The following CEACAM5 variants were observed in gnomAD, a reference collection of about 807,000 sequenced individuals.
CEACAM5 encodes CEA cell adhesion molecule 5.
Under a neutral mutation model 63.0 loss-of-function variants are expected in CEACAM5, and 52 were observed. The observed-to-expected ratio is 0.83, with a 90% CI of 0.66 to 1.04. The LOEUF (loss-of-function observed/expected upper bound fraction) is 1.04. Among genes scored for constraint, CEACAM5 ranks in the 50% least tolerant of loss-of-function variants. CEACAM5 has a pLI of 0.00. For missense variants in CEACAM5, 790 were observed against 864.8 expected, an observed-to-expected ratio of 0.91 and a Z score of 1.08; for synonymous variants, 357 against 351.3, an observed-to-expected ratio of 1.02 and a Z score of -0.18.
At chr19:41,710,174 G>T (rs2072414091) in intron 2 of CEACAM5, 135 bp downstream of exon 2, 1 of 1,294,704 alleles carries the variant, frequency 7.7e-7, no homozygotes, top group African/African-American at 1.5e-5. Flanking sequence ...TTTAGTGCAG[G>T]ATACACACAG....
chr19:41,723,800 T>C (rs950973225), intron 8 of CEACAM5, among the ~76,000 whole-genome samples: 1 of 151,692 alleles, frequency 6.6e-6, no homozygotes, highest in African/African-American at 2.4e-5. Flanking sequence ...ACAAAAAAAA[T>C]TATCCAGGCG....
intron 1 of CEACAM5, 147 bp from the exon 2 acceptor site, chr19:41,709,533 G>C: frequency 4.2e-6 from 4 of 954,242 alleles, no homozygotes; most frequent in Non-Finnish European, 5.7e-6. Context: ...CCTTGACCTA[G>C]TAGGACACAC....
chr19:41,726,613 G>A (rs1454721685), intron 8 of CEACAM5, among the ~76,000 whole-genome samples: 22 of 152,226 alleles, frequency 1.4e-4, no homozygotes, highest in Non-Finnish European at 3.1e-4. Flanking sequence ...AGGAGCCTGA[G>A]AGAGCCCTCA....
At chr19:41,716,213 T>G (rs556390097) in intron 4 of CEACAM5, among the ~76,000 whole-genome samples, 1 of 152,362 alleles carries the variant, frequency 6.6e-6, no homozygotes, top group South Asian at 2.1e-4. Flanking sequence ...AAGTTGCTTC[T>G]CTCTGTCACC....
At position 41,709,729 on chromosome 19, in the gene CEACAM5, T is replaced by C; in HGVS notation, c.114T>C (p.Ile38=). The C allele has an allele frequency of 3.1e-6, 5 of 1,614,154 alleles. 1 individual carries two copies. In the East Asian group the frequency reaches 1.1e-4, roughly 36 times the overall value. Residue 38 remains isoleucine (I), a synonymous_variant, in exon 2 of 10, where the codon ATT becomes ATC. Coordinates refer to ENST00000221992, the MANE Select transcript of CEACAM5 (RefSeq NM_004363.6). ...CGCCCACCACTGCCAAGCTCACTAT[T>C]GAATCCACGCCGTTCAATGTCGCAG... ...WNPPTTAKLT[I]ESTPFNVAEG...
At chr19:41,710,494 G>A (rs1555813886) in intron 2 of CEACAM5, among the ~76,000 whole-genome samples, 1 of 152,208 alleles carries the variant, frequency 6.6e-6, no homozygotes, top group African/African-American at 2.4e-5. Context: ...CTGGAAGCAA[G>A]GACTTAGCAG....
At chr19:41,724,268 C>A (rs140225106) in intron 8 of CEACAM5, among the ~76,000 whole-genome samples, 212 of 152,298 alleles carry the variant, frequency 1.4e-3, no homozygotes, top group African/African-American at 5.0e-3. Context: ...TATCAAAAAT[C>A]ATTTGGCCAT....
At chr19:41,720,663 T>C (rs545398764) in intron 7 of CEACAM5, among the ~76,000 whole-genome samples, 6 of 152,196 alleles carry the variant, frequency 3.9e-5, no homozygotes, top group African/African-American at 1.4e-4. Context: ...CGTGCCGCCA[T>C]GCCCAGCTAA....
At chr19:41,726,293 G>T (rs1555817092) in intron 8 of CEACAM5, among the ~76,000 whole-genome samples, 1 of 152,172 alleles carries the variant, frequency 6.6e-6, no homozygotes, top group African/African-American at 2.4e-5. Context: ...CATTTCATCT[G>T]TAAGATGGAA....
chr19:41,708,835 G>GTCTC, intron 1 of CEACAM5, 40 bp downstream of exon 1: 1 of 1,408,700 alleles, frequency 7.1e-7, no homozygotes, highest in South Asian at 1.2e-5. Flanking sequence ...GGAGGAGGGA[G>GTCTC]CTGGGGTCTC....
intron 8 of CEACAM5, among the ~76,000 whole-genome samples, chr19:41,722,183 A>G (rs1178405103): frequency 6.6e-6 from 1 of 151,636 alleles, no homozygotes. Flanking sequence ...GGATCACCTG[A>G]GGTCAGGAGT....
intron 8 of CEACAM5, among the ~76,000 whole-genome samples, chr19:41,724,911 CA>C (rs1184140828): frequency 3.9e-5 from 6 of 152,174 alleles, no homozygotes; most frequent in African/African-American, 1.4e-4. Context: ...TCTGAAAACA[CA>C]GATCATTTTA....
chr19:41,713,941 G>A (rs2072477085), intron 2 of CEACAM5, among the ~76,000 whole-genome samples: 1 of 152,172 alleles, frequency 6.6e-6, no homozygotes, highest in Non-Finnish European at 1.5e-5. Flanking sequence ...CAGGCCGGGT[G>A]CAGTGGCTCA....
In CEACAM5 at chr19:41,719,413, T is replaced by C. The variant is rs550583443; in HGVS notation, c.1493-517T>C. 7.0e-4 allele frequency among the ~76,000 whole-genome samples: 106 copies of C among 152,302 alleles called. 1 individual carries two copies. The highest frequency in any genetic ancestry group is 2.5e-3 in the African/African-American group (103 of 41,574). On this transcript the variant is annotated intron_variant, in intron 6 of 9. Transcript: ENST00000221992. ...ACTCTTGGGTAGAGCTGCCCACCTG[T>C]GGCCCACAGCCTGACCCCTGAACTC...
At chr19:41,712,519 A>C (rs2122777820) in intron 2 of CEACAM5, among the ~76,000 whole-genome samples, 1 of 152,278 alleles carries the variant, frequency 6.6e-6, no homozygotes, top group East Asian at 1.9e-4. Flanking sequence ...GCGCTTTCTA[A>C]ATTTACTAAC....
Position 41,721,019 on chromosome 19 carries a change from G to T in CEACAM5, c.1869G>T (p.Pro623=), listed in dbSNP as rs113558709. ...GCCACTCGGCCTCTAACCCATCCCC[G>T]CAGTATTCTTGGCGTATCAATGGGA... ...LSCHSASNPS[P]QYSWRINGIP... is the part of the protein sequence containing the mutation. Residue 623 remains proline (P), a synonymous_variant, in exon 8 of 10, where the codon CCG becomes CCT. Transcript: ENST00000221992. 3 of 1,613,884 alleles carry T rather than the reference G, an allele frequency of 1.9e-6. No homozygotes were observed. The highest frequency in any genetic ancestry group is 1.7e-6 in the Non-Finnish European group (2 of 1,179,990).
chr19:41,714,782 C>T (rs895437486), intron 2 of CEACAM5, among the ~76,000 whole-genome samples, 189 bp from the exon 3 acceptor site: 2 of 152,188 alleles, frequency 1.3e-5, no homozygotes, highest in Non-Finnish European at 2.9e-5. Context: ...TCCCCCACAC[C>T]GAGCAGGCAG....
At position 41,718,309 on chromosome 19, in the gene CEACAM5, A is replaced by G; in HGVS notation, c.1419A>G (p.Gly473=). The G allele has an allele frequency of 6.2e-7, 1 of 1,613,996 alleles. No homozygotes were observed. Among genetic ancestry groups the G allele is most frequent in the South Asian group, 1.1e-5 (1 of 91,062 alleles). Residue 473 remains glycine, a synonymous_variant, in exon 6 of 10, where the codon GGA becomes GGG. Coordinates refer to ENST00000221992, the MANE Select transcript of CEACAM5 (RefSeq NM_004363.6). ...FISNITEKNS[G]LYTCQANNSA... ...CCAACATCACTGAGAAGAACAGCGG[A>G]CTCTATACCTGCCAGGCCAATAACT...
intron 7 of CEACAM5, among the ~76,000 whole-genome samples, chr19:41,720,491 T>C (rs2072601442): frequency 6.8e-6 from 1 of 147,954 alleles, no homozygotes; most frequent in Non-Finnish European, 1.5e-5. Context: ...ATGAGGGTTA[T>C]GGTTTGGACT....
Sources: allele counts gnomAD v4.1 joint callset (sites outside exome capture counted in the v4.1 genomes callset), GRCh38; gene constraint gnomAD v4.1.1; transcripts MANE v1.5; gene names NCBI Gene and HGNC (gene_info 2026-07-23, HGNC 2026-07-21).